The following FRMD3 variants were observed in gnomAD, a reference collection of about 807,000 sequenced individuals.
FRMD3 encodes FERM domain-containing protein 3.
A neutral mutation model predicts 70.2 loss-of-function variants in FRMD3; 33 were observed. The ratio of observed to expected loss-of-function variants is 0.47; its 90% CI spans 0.36 to 0.63. The LOEUF (loss-of-function observed/expected upper bound fraction) is 0.63. Among genes scored for constraint, FRMD3 ranks in the 20% least tolerant of loss-of-function variants. The pLI is 0.00. For synonymous variants in FRMD3, 279 were observed against 255.9 expected, an observed-to-expected ratio of 1.09 and a Z score of -0.86; for missense variants, 632 against 711.4, an observed-to-expected ratio of 0.89 and a Z score of 1.27.
intron 1 of FRMD3, among the ~76,000 whole-genome samples, chr9:83,439,051 C>G (rs1169907564): frequency 6.6e-6 from 1 of 152,236 alleles, no homozygotes; most frequent in Non-Finnish European, 1.5e-5. Context: ...TGAGGGGACA[C>G]TGCTCACCTG....
In FRMD3 at chr9:83,537,405, T is replaced by C. The variant is rs1415321975; in HGVS notation, c.147+680A>G. Among the ~76,000 whole-genome samples, 1 of 152,140 alleles carries C rather than the reference T, an allele frequency of 6.6e-6. No individual in the cohort carries two copies. The highest frequency in any genetic ancestry group is 1.5e-5 in the Non-Finnish European group (1 of 68,022). The stretch of plus-strand genomic sequence containing the variant: ...TGCTGGCCTCACAATCCCTTTTCCT[T>C]TCTCCGAAACACTCAGACTTCACAC... On this transcript the variant is annotated intron_variant, in intron 1 of 13. Coordinates refer to ENST00000304195, the MANE Select transcript of FRMD3 (RefSeq NM_174938.6). The surrounding 1 kb of genome is among the most constrained non-coding windows in gnomAD (Gnocchi z 4.1).
intron 5 of FRMD3, among the ~76,000 whole-genome samples, chr9:83,342,569 C>T (rs1823797719): frequency 6.6e-6 from 1 of 152,154 alleles, no homozygotes; most frequent in African/African-American, 2.4e-5. Context: ...GTTTATGAGA[C>T]TTGTGCTCTC....
intron 6 of FRMD3, among the ~76,000 whole-genome samples, chr9:83,325,915 T>C (rs1470349811): frequency 1.3e-5 from 2 of 152,224 alleles, no homozygotes; most frequent in Non-Finnish European, 2.9e-5. Context: ...TCAGTGTCTA[T>C]AAATAAAGTT....
intron 13 of FRMD3, among the ~76,000 whole-genome samples, chr9:83,252,224 C>T (rs1832462654): frequency 6.7e-6 from 1 of 149,268 alleles, no homozygotes; most frequent in South Asian, 2.1e-4. Context: ...ATTCAACATT[C>T]TTAAAGAAAA....
intron 1 of FRMD3, among the ~76,000 whole-genome samples, chr9:83,489,015 T>TGTGTGCGCGC (rs539396863): frequency 3.8e-5 from 5 of 131,634 alleles, no homozygotes; most frequent in Non-Finnish European, 7.9e-5. Flanking sequence ...TGTGTGTGTG[T>TGTGTGCGCGC]GCTTGTGTGT....
chr9:83,250,209 C>A (rs555100263), intron 13 of FRMD3, among the ~76,000 whole-genome samples: 1 of 152,216 alleles, frequency 6.6e-6, no homozygotes, highest in South Asian at 2.1e-4. Flanking sequence ...GACCCCACCC[C>A]GACCCCCAGC....
At chr9:83,422,043 G>C (rs749206214) in intron 1 of FRMD3, among the ~76,000 whole-genome samples, 1 of 152,114 alleles carries the variant, frequency 6.6e-6, no homozygotes, top group Non-Finnish European at 1.5e-5. Context: ...TGGCCAACGT[G>C]GTGAAACCCC....
chr9:83,584,530 G>T, the FRMD3 span, among the ~76,000 whole-genome samples: 1 of 152,172 alleles, frequency 6.6e-6, no homozygotes, highest in East Asian at 1.9e-4. Context: ...TGTTGGTATT[G>T]TCACTCCATC....
At chr9:83,453,941 T>A (rs1169375827) in intron 1 of FRMD3, among the ~76,000 whole-genome samples, 3 of 152,078 alleles carry the variant, frequency 2.0e-5, no homozygotes, top group African/African-American at 7.2e-5. Context: ...GGTCTCGATC[T>A]CCTGACCTCG....
chr9:83,485,904 CT>C (rs1828678199), intron 1 of FRMD3, among the ~76,000 whole-genome samples: 1 of 151,574 alleles, frequency 6.6e-6, no homozygotes, highest in South Asian at 2.1e-4. Flanking sequence ...TCTTAAAAAC[CT>C]TCAAAAAAAT....
intron 1 of FRMD3, among the ~76,000 whole-genome samples, chr9:83,408,865 T>C (rs1826200000): frequency 6.6e-6 from 1 of 152,090 alleles, no homozygotes; most frequent in Non-Finnish European, 1.5e-5. Flanking sequence ...GCAGGGAAGA[T>C]GGTGGGGAGA....
intron 1 of FRMD3, among the ~76,000 whole-genome samples, chr9:83,532,648 CAT>C (rs1829813019): frequency 6.6e-6 from 1 of 152,008 alleles, no homozygotes; most frequent in Non-Finnish European, 1.5e-5. Context: ...CACACACACA[CAT>C]AATTCCATTC....
the FRMD3 span, among the ~76,000 whole-genome samples, chr9:83,558,642 G>C: frequency 9.2e-5 from 14 of 152,134 alleles, no homozygotes; most frequent in African/African-American, 3.4e-4. Context: ...ATTTTGTAAG[G>C]CTATTGCTGC....
chr9:83,258,733 A>G (rs534847840), intron 13 of FRMD3, among the ~76,000 whole-genome samples: 1 of 152,186 alleles, frequency 6.6e-6, no homozygotes, highest in Non-Finnish European at 1.5e-5. Context: ...TGTCTTTCCT[A>G]TGTGAAATCT....
chr9:83,258,025 C>T (rs13294854), intron 13 of FRMD3, among the ~76,000 whole-genome samples: 70,543 of 151,956 alleles, frequency 0.46, 17,127 homozygotes, highest in Middle Eastern at 0.57. Context: ...TAAAATGAAA[C>T]TGCAATAATC....
At chr9:83,311,684 G>A (rs1368821873) in intron 8 of FRMD3, among the ~76,000 whole-genome samples, 3 of 151,952 alleles carry the variant, frequency 2.0e-5, no homozygotes, top group African/African-American at 4.8e-5. Context: ...CTGAGCCCAC[G>A]CCTCCTAAGT....
chr9:83,252,242 C>A (rs1466696125), intron 13 of FRMD3, among the ~76,000 whole-genome samples: 1 of 152,150 alleles, frequency 6.6e-6, no homozygotes, highest in Non-Finnish European at 1.5e-5. Flanking sequence ...AAAGAACTTC[C>A]AACCCAGAAT....
chr9:83,368,417 C>T (rs184884188), intron 3 of FRMD3, among the ~76,000 whole-genome samples: 12 of 152,122 alleles, frequency 7.9e-5, no homozygotes, highest in African/African-American at 2.4e-4. Flanking sequence ...CTGCAAGCTC[C>T]GCCTCCTGGG....
chr9:83,348,227 G>A (rs57018246), intron 4 of FRMD3, among the ~76,000 whole-genome samples: 16,862 of 151,982 alleles, frequency 0.11, 1,077 homozygotes, highest in African/African-American at 0.16. Context: ...TAGCTCGCTC[G>A]CTCTCTCCTC....
Sources: allele counts gnomAD v4.1 joint callset (sites outside exome capture counted in the v4.1 genomes callset), GRCh38; gene constraint gnomAD v4.1.1; non-coding constraint Gnocchi (gnomAD v3.1); transcripts MANE v1.5; gene names NCBI Gene and HGNC (gene_info 2026-07-23, HGNC 2026-07-21).